Variants in CDH4 observed in about 807,000 individuals in gnomAD.
CDH4 encodes cadherin 4.
CDH4 carries 33 observed loss-of-function variants against 86.0 expected under a neutral mutation model. The ratio of observed to expected loss-of-function variants is 0.38; its 90% CI spans 0.29 to 0.51. The LOEUF (loss-of-function observed/expected upper bound fraction) is 0.51, where lower values mean the gene tolerates loss of function less well. Among genes scored for constraint, CDH4 ranks in the 20% least tolerant of loss-of-function variants. CDH4 has a pLI of 0.86. For missense variants in CDH4, 1,114 were observed against 1,307.4 expected (o/e 0.85, Z 2.28); for synonymous variants, 555 against 549.4 (o/e 1.01, Z -0.14).
intron 2 of CDH4, among the ~76,000 whole-genome samples, chr20:61,671,687 G>A: frequency 6.6e-6 from 1 of 150,892 alleles, no homozygotes; most frequent in East Asian, 2.0e-4. Context: ...GGATGGATGG[G>A]TGGGTGGGTG....
intron 2 of CDH4, among the ~76,000 whole-genome samples, chr20:61,458,483 G>T (rs957302907): frequency 6.6e-6 from 1 of 151,584 alleles, no homozygotes; most frequent in Non-Finnish European, 1.5e-5. Flanking sequence ...TGGTAGTGGT[G>T]GTGGTGCTGA....
chr20:61,406,298 GCATCTGCTCTGCCTGGACC>G (rs2085081941), intron 2 of CDH4, among the ~76,000 whole-genome samples: 4 of 146,306 alleles, frequency 2.7e-5, no homozygotes, highest in African/African-American at 1.0e-4. Context: ...GCCCGGACCA[GCATCTGCTCTGCCTGGACC>G]ACCATCTGCT....
chr20:61,512,388 A>T (rs1235122652), intron 2 of CDH4, among the ~76,000 whole-genome samples: 1 of 152,176 alleles, frequency 6.6e-6, no homozygotes, highest in Non-Finnish European at 1.5e-5. Context: ...GATCATTTCA[A>T]TCGACCATAC....
intron 2 of CDH4, among the ~76,000 whole-genome samples, chr20:61,520,905 G>A (rs981262987): frequency 3.3e-5 from 5 of 152,210 alleles, no homozygotes; most frequent in Non-Finnish European, 7.3e-5. Context: ...CTTAGTGGGC[G>A]AAGGGAGCAA....
intron 4 of CDH4, among the ~76,000 whole-genome samples, chr20:61,840,260 T>G (rs1600702319): frequency 6.6e-6 from 1 of 152,106 alleles, no homozygotes; most frequent in Non-Finnish European, 1.5e-5. Context: ...GCCTTCCCGG[T>G]GGGTGGGTCT....
intron 2 of CDH4, among the ~76,000 whole-genome samples, chr20:61,691,728 T>G (rs2087657971): frequency 6.6e-6 from 1 of 152,182 alleles, no homozygotes; most frequent in South Asian, 2.1e-4. Flanking sequence ...ACAATGGTAT[T>G]TATGGAGCTA....
intron 2 of CDH4, among the ~76,000 whole-genome samples, chr20:61,399,257 C>T (rs1361620752): frequency 1.9e-5 from 2 of 106,426 alleles, no homozygotes; most frequent in Non-Finnish European, 3.7e-5. Context: ...CTCAGCCTCC[C>T]GAGTAGCTGG....
At chr20:61,655,898 C>A (rs996635783) in intron 2 of CDH4, among the ~76,000 whole-genome samples, 1 of 152,214 alleles carries the variant, frequency 6.6e-6, no homozygotes, top group Non-Finnish European at 1.5e-5. Flanking sequence ...AGCCGAGCTC[C>A]AAGGCTGCAT....
At chr20:61,919,111 T>G (rs2054939016) in intron 9 of CDH4, among the ~76,000 whole-genome samples, 1 of 152,216 alleles carries the variant, frequency 6.6e-6, no homozygotes, top group Admixed American at 6.5e-5. Context: ...GCTCAAGTGA[T>G]CCTCCTGCCT....
At chr20:61,895,479 G>A (rs1985062063) in intron 8 of CDH4, among the ~76,000 whole-genome samples, 1 of 152,246 alleles carries the variant, frequency 6.6e-6, no homozygotes, top group East Asian at 1.9e-4. Flanking sequence ...AAAGGGGGTT[G>A]TGACTGGGCC....
At position 61,924,074 on chromosome 20, in the gene CDH4, G is replaced by T. The variant is rs1040281333; in HGVS notation, c.1629-260G>T. 1.3e-4 allele frequency among the ~76,000 whole-genome samples: 20 copies of T among 152,214 alleles called. 1 individual carries two copies. The highest frequency in any genetic ancestry group is 4.8e-4 in the African/African-American group (20 of 41,462). The stretch of plus-strand genomic sequence containing the variant: ...GAGGGCGTCTGCCCACAGGGTCCTT[G>T]TGAGTTGAGACCACCCACTACTGGA... On this transcript the variant is annotated intron_variant, in intron 10 of 15. Coordinates refer to ENST00000614565, the MANE Select transcript of CDH4 (RefSeq NM_001794.5).
rs1267035873 is a variant in CDH4 at position 61,910,403 on chromosome 20, C to T, written c.1189-19C>T. The T allele has an allele frequency of 6.2e-7, 1 of 1,608,864 alleles. No individual in the cohort carries two copies. The highest frequency in any genetic ancestry group is 8.5e-7 in the Non-Finnish European group (1 of 1,175,876). ...ACACTTAACACGGGTTTGTGACATT[C>T]TTTCCTTCCATTTTGCAGTTTGCAG... On this transcript the variant is annotated intron_variant, in intron 8 of 15. Transcript: ENST00000614565.
At chr20:61,791,704 AG>A (rs1330937610) in intron 4 of CDH4, among the ~76,000 whole-genome samples, 22 of 152,294 alleles carry the variant, frequency 1.4e-4, no homozygotes, top group African/African-American at 5.3e-4. Flanking sequence ...ATGGGGAGCA[AG>A]GCTGTAGATG....
At chr20:61,317,008 T>C (rs1415538004) in intron 2 of CDH4, among the ~76,000 whole-genome samples, 1 of 144,266 alleles carries the variant, frequency 6.9e-6, no homozygotes, top group Non-Finnish European at 1.5e-5. Flanking sequence ...CGTAACCTGC[T>C]ATTTCTTTTT....
intron 4 of CDH4, among the ~76,000 whole-genome samples, chr20:61,800,692 A>G (rs1979782160): frequency 6.6e-6 from 1 of 152,222 alleles, no homozygotes; most frequent in Admixed American, 6.5e-5. Context: ...AAGTGCTGGC[A>G]GTGCCCGGCT....
intron 7 of CDH4, among the ~76,000 whole-genome samples, chr20:61,885,173 G>C (rs986197941): frequency 1.3e-5 from 2 of 152,164 alleles, no homozygotes; most frequent in Non-Finnish European, 2.9e-5. Context: ...GAGCTCACAC[G>C]CCACCAAACA....
chr20:61,689,818 T>G (rs1600877390), intron 2 of CDH4, among the ~76,000 whole-genome samples: 1 of 138,156 alleles, frequency 7.2e-6, no homozygotes, highest in African/African-American at 3.0e-5. Context: ...CAGTGGTTGG[T>G]GAGGTGATGT....
chr20:61,789,763 CT>C (rs1979072384), intron 4 of CDH4, among the ~76,000 whole-genome samples: 1 of 152,224 alleles, frequency 6.6e-6, no homozygotes, highest in African/African-American at 2.4e-5. Context: ...ACCATTGCCC[CT>C]GGGAGGTAGA....
At chr20:61,492,904 C>T (rs771456527) in intron 2 of CDH4, among the ~76,000 whole-genome samples, 6 of 152,260 alleles carry the variant, frequency 3.9e-5, no homozygotes, top group Middle Eastern at 6.8e-3. Flanking sequence ...CAAGTTGAAG[C>T]AGCCATGAAA....
Sources: gnomAD v4.1 joint callset for allele counts (sites outside exome capture counted in the v4.1 genomes callset) on GRCh38, gnomAD v4.1.1 for gene constraint, MANE v1.5 for transcripts, NCBI Gene and HGNC (gene_info 2026-07-23, HGNC 2026-07-21) for gene names.